Variants in MACROD1 observed in about 807,000 individuals in gnomAD.
MACROD1 encodes ADP-ribose glycohydrolase MACROD1.
MACROD1 carries 31 observed loss-of-function variants against 41.4 expected under a neutral mutation model. The observed-to-expected ratio is 0.75, with a 90% confidence interval of 0.56 to 1.01. The LOEUF (loss-of-function observed/expected upper bound fraction) is 1.01. Among genes scored for constraint, MACROD1 ranks in the 50% least tolerant of loss-of-function variants. The pLI, the probability that MACROD1 is intolerant of heterozygous loss-of-function variation, is 0.00. For synonymous variants in MACROD1, 252 were observed against 203.4 expected, an observed-to-expected ratio of 1.24 and a Z score of -2.03; for missense variants, 473 against 460.0, an observed-to-expected ratio of 1.03 and a Z score of -0.26.
chr11:64,155,316 G>A (rs1356979004), intron 1 of MACROD1, among the ~76,000 whole-genome samples: 2 of 152,224 alleles, frequency 1.3e-5, no homozygotes, highest in African/African-American at 2.4e-5. Flanking sequence ...GAGGCCAGTC[G>A]GTCTCTCCAG....
Position 64,054,421 on chromosome 11 carries a change from C to T in MACROD1, c.518-39140G>A, listed in dbSNP as rs559645852. Among the ~76,000 whole-genome samples, 4 of 152,254 alleles carry T rather than the reference C, an allele frequency of 2.6e-5. 1 individual carries two copies. The highest frequency in any genetic ancestry group is 1.9e-4 in the East Asian group (1 of 5,176). ...AGGCTTTGAGCTCTTCTGCAAACAC[C>T]GCACTATAAATCCAGGGTGTTTCCA... On this transcript the variant is annotated intron_variant, in intron 3 of 10. Transcript: ENST00000255681.
At chr11:64,063,357 C>T (rs1410362350) in intron 3 of MACROD1, among the ~76,000 whole-genome samples, 3 of 152,092 alleles carry the variant, frequency 2.0e-5, no homozygotes, top group East Asian at 1.9e-4. Context: ...GTGCCACACA[C>T]GTGTCAACTG....
intron 1 of MACROD1, among the ~76,000 whole-genome samples, chr11:64,158,884 G>C (rs938526992): frequency 6.6e-6 from 1 of 152,056 alleles, no homozygotes; most frequent in Non-Finnish European, 1.5e-5. Flanking sequence ...AAAACTGAGG[G>C]TATTCAATTA....
chr11:64,059,986 G>A (rs1943866902), intron 3 of MACROD1, among the ~76,000 whole-genome samples: 1 of 152,176 alleles, frequency 6.6e-6, no homozygotes, highest in African/African-American at 2.4e-5. Context: ...ACTGAGGGCC[G>A]GGAAGGGCGG....
rs374016540 is a variant in MACROD1, at chr11:64,090,687, G to A, written c.517+60552C>T. Among the ~76,000 whole-genome samples the A allele has an allele frequency of 9.4e-4, 143 of 152,216 alleles. 1 individual carries two copies. The South Asian group carries it at 0.027, about 29-fold the overall frequency. On this transcript the variant is annotated intron_variant, in intron 3 of 10. Coordinates refer to ENST00000255681, the MANE Select transcript of MACROD1 (RefSeq NM_014067.4). The surrounding 1 kb of genome is among the most constrained non-coding windows in gnomAD (Gnocchi z 4.7). ...CACCAACAGACCACTTCTCTGAGGC[G>A]GGGACGTCCCAAGACTAAAATGGGG... is the stretch of plus-strand genomic sequence containing the variant.
chr11:64,002,666 C>A (rs1942845845), intron 4 of MACROD1, among the ~76,000 whole-genome samples: 1 of 152,150 alleles, frequency 6.6e-6, no homozygotes, highest in Non-Finnish European at 1.5e-5. Flanking sequence ...AGAGGGGAAC[C>A]CCCCCACCCT....
intron 3 of MACROD1, among the ~76,000 whole-genome samples, chr11:64,092,866 T>C (rs1944513757): frequency 6.6e-6 from 1 of 152,226 alleles, no homozygotes; most frequent in South Asian, 2.1e-4. Flanking sequence ...ACAAAGTCAA[T>C]GGGTAACCGC....
intron 3 of MACROD1, among the ~76,000 whole-genome samples, chr11:64,025,335 C>G (rs1335353888): frequency 6.6e-6 from 1 of 152,188 alleles, no homozygotes; most frequent in Non-Finnish European, 1.5e-5. Flanking sequence ...GCCAGGCCAG[C>G]CTGGGCTCCC....
At position 64,120,038 on chromosome 11, in the gene MACROD1, G is replaced by C. The variant is rs1945070660; in HGVS notation, c.517+31201C>G. ...AGGATGAGAGGGCTGGGAGCGCCTGGTGGTGCTATTTTCAAACGGCCTCCA... is the reference window on the plus strand; with the variant it reads ...AGGATGAGAGGGCTGGGAGCGCCTGCTGGTGCTATTTTCAAACGGCCTCCA... On this transcript the variant is annotated intron_variant, in intron 3 of 10. Coordinates refer to ENST00000255681, the MANE Select transcript of MACROD1 (RefSeq NM_014067.4). The surrounding 1 kb of genome is among the most constrained non-coding windows in gnomAD (Gnocchi z 4.5). Among the ~76,000 whole-genome samples the C allele has an allele frequency of 6.6e-6, 1 of 152,194 alleles. No individual in the cohort carries two copies. Among genetic ancestry groups the C allele is most frequent in the Non-Finnish European group, 1.5e-5 (1 of 68,038 alleles).
intron 3 of MACROD1, among the ~76,000 whole-genome samples, chr11:64,083,529 C>G (rs940887611): frequency 2.6e-5 from 4 of 152,244 alleles, no homozygotes; most frequent in Non-Finnish European, 5.9e-5. Context: ...CATCCCGTCT[C>G]CCTCCCTCCT....
rs905354925 is a variant in MACROD1 at position 64,139,486 on chromosome 11, C to T, written c.517+11753G>A. Among the ~76,000 whole-genome samples, 9 of 152,292 alleles carry T rather than the reference C, an allele frequency of 5.9e-5. No homozygotes were observed. The East Asian group carries it at 7.7e-4, about 13-fold the overall frequency. On this transcript the variant is annotated intron_variant, in intron 3 of 10. Coordinates refer to ENST00000255681, the MANE Select transcript of MACROD1 (RefSeq NM_014067.4). ...AGGAGCCCTGTCCAGGGACGGAGAC[C>T]CAGAGTCCATGGAGCTGCCCCTGCC...
At chr11:63,999,816 C>T in intron 5 of MACROD1, 53 bp from the exon 6 acceptor site, 1 of 1,561,178 alleles carries the variant, frequency 6.4e-7, no homozygotes, top group Non-Finnish European at 8.6e-7. Flanking sequence ...TCCTCAGCTC[C>T]CTCGCTTCCC....
At chr11:64,044,251 C>CTTT (rs34174027) in intron 3 of MACROD1, among the ~76,000 whole-genome samples, 3 of 140,436 alleles carry the variant, frequency 2.1e-5, no homozygotes, top group African/African-American at 5.2e-5. Flanking sequence ...CCCCCAACAA[C>CTTT]TTTTTTTTTT....
rs1945503442 is a variant in MACROD1, at chr11:64,146,846, A to AT, written c.517+4392dup. On this transcript the variant is annotated intron_variant, in intron 3 of 10. Transcript: ENST00000255681. This position sits in a 1 kb window ranked among gnomAD's most constrained non-coding sequence, Gnocchi z 4.7. Reference sequence around the variant, plus strand: ...ACTCCTGACCTCACACACACACTCTATCACACACACCCCACGCATCACACA... The same window carrying AT: ...ACTCCTGACCTCACACACACACTCTATTCACACACACCCCACGCATCACACA... 6.8e-6 allele frequency among the ~76,000 whole-genome samples: 1 copy of AT among 146,922 alleles called. No individual in the cohort carries two copies. Among genetic ancestry groups the AT allele is most frequent in the Admixed American group, 6.8e-5 (1 of 14,724 alleles).
In MACROD1 at chr11:64,090,807, G is replaced by A. The variant is rs182406063; in HGVS notation, c.517+60432C>T. Among the ~76,000 whole-genome samples, 911 of 152,064 alleles carry A rather than the reference G, an allele frequency of 6.0e-3. 8 individuals carry two copies. Among genetic ancestry groups the A allele is most frequent in the African/African-American group, 0.02 (842 of 41,470 alleles). ...CCAGGCACTTGGGGTTTGTCTCTGG[G>A]GCTCTGCAGAAGCAGAGCCCGAGTC... On this transcript the variant is annotated intron_variant, in intron 3 of 10. Transcript: ENST00000255681. The surrounding 1 kb of genome is among the most constrained non-coding windows in gnomAD (Gnocchi z 4.7).
intron 3 of MACROD1, among the ~76,000 whole-genome samples, chr11:64,085,337 G>A (rs1184404763): frequency 2.5e-4 from 38 of 152,186 alleles, no homozygotes; most frequent in Non-Finnish European, 7.3e-5. Flanking sequence ...CTCAGCGCCC[G>A]CTGCTCCCAC....
intron 3 of MACROD1, among the ~76,000 whole-genome samples, chr11:64,110,737 C>T (rs1944847207): frequency 6.6e-6 from 1 of 152,198 alleles, no homozygotes; most frequent in African/African-American, 2.4e-5. Context: ...CTGAGGGATC[C>T]ACGCAAGGGC....
chr11:64,065,756 C>G (rs1202204422), intron 3 of MACROD1, among the ~76,000 whole-genome samples: 3 of 146,738 alleles, frequency 2.0e-5, no homozygotes, highest in East Asian at 2.0e-4. Context: ...CGCCACTGCA[C>G]TCCAGCCTGG....
intron 3 of MACROD1, among the ~76,000 whole-genome samples, chr11:64,049,663 G>C (rs1376591600): frequency 1.3e-5 from 2 of 152,206 alleles, no homozygotes; most frequent in Admixed American, 6.5e-5. Context: ...GTGGACGCTG[G>C]GGGTGCAGAC....
Sources: allele counts gnomAD v4.1 joint callset (sites outside exome capture counted in the v4.1 genomes callset), GRCh38; gene constraint gnomAD v4.1.1; non-coding constraint Gnocchi (gnomAD v3.1); transcripts MANE v1.5; gene names NCBI Gene and HGNC (gene_info 2026-07-23, HGNC 2026-07-21).